Variants in EXOC4 observed in about 807,000 individuals in gnomAD.
EXOC4 encodes SEC8-like 1.
A neutral mutation model predicts 107.2 loss-of-function variants in EXOC4; 71 were observed. The observed-to-expected ratio is 0.66, with a 90% CI of 0.55 to 0.81. EXOC4 has a LOEUF of 0.81. Among genes scored for constraint, EXOC4 ranks in the 30% least tolerant of loss-of-function variants. The probability of loss-of-function intolerance (pLI) is 0.00; values close to 1 mark genes in which losing one functional copy is unlikely to be tolerated. For synonymous variants in EXOC4, 456 were observed against 441.2 expected, an observed-to-expected ratio of 1.03 and a Z score of -0.42; for missense variants, 1,108 against 1,189.6, an observed-to-expected ratio of 0.93 and a Z score of 1.01.
At chr7:133,362,695 A>G (rs1011600409) in intron 6 of EXOC4, among the ~76,000 whole-genome samples, 2 of 152,228 alleles carry the variant, frequency 1.3e-5, no homozygotes, top group African/African-American at 4.8e-5. Context: ...TCAGGCCTCA[A>G]GGATAGTTTT....
chr7:133,907,903 T>C (rs978945148), intron 12 of EXOC4, among the ~76,000 whole-genome samples: 1 of 152,110 alleles, frequency 6.6e-6, no homozygotes, highest in African/African-American at 2.4e-5. Context: ...TCTGAACTCT[T>C]AGCTTCCAGA....
intron 10 of EXOC4, among the ~76,000 whole-genome samples, chr7:133,634,986 G>A (rs575641462): frequency 3.7e-4 from 56 of 151,780 alleles, no homozygotes; most frequent in African/African-American, 1.2e-3. Context: ...CTTTTAAGAC[G>A]AATGAATTCA....
At chr7:133,819,277 C>CTTTTT (rs59308684) in intron 11 of EXOC4, among the ~76,000 whole-genome samples, 1,597 of 142,740 alleles carry the variant, frequency 0.011, 54 homozygotes, top group African/African-American at 0.04. Flanking sequence ...AAATGGAATA[C>CTTTTT]TTTTTTTTTT....
At chr7:133,505,708 C>G (rs1799654062) in intron 9 of EXOC4, among the ~76,000 whole-genome samples, 1 of 152,094 alleles carries the variant, frequency 6.6e-6, no homozygotes, top group East Asian at 1.9e-4. Flanking sequence ...AGATTTTTCT[C>G]TAATTGCTTG....
At chr7:133,528,561 A>G (rs766242177) in intron 9 of EXOC4, among the ~76,000 whole-genome samples, 4 of 152,084 alleles carry the variant, frequency 2.6e-5, no homozygotes, top group Non-Finnish European at 5.9e-5. Context: ...ATTATCTCCT[A>G]TGGCCTTTTA....
chr7:133,346,203 G>C (rs969128402), intron 5 of EXOC4, among the ~76,000 whole-genome samples: 1 of 152,156 alleles, frequency 6.6e-6, no homozygotes, highest in African/African-American at 2.4e-5. Flanking sequence ...TCCAACCTAG[G>C]TAGGCCCTTG....
chr7:133,639,121 T>A (rs1802784714), intron 10 of EXOC4, among the ~76,000 whole-genome samples: 6 of 152,212 alleles, frequency 3.9e-5, no homozygotes, highest in Admixed American at 3.9e-4. Flanking sequence ...AATTTGGTGT[T>A]AAAAATAACA....
At chr7:133,868,198 A>T (rs1307119564) in intron 11 of EXOC4, among the ~76,000 whole-genome samples, 1 of 152,166 alleles carries the variant, frequency 6.6e-6, no homozygotes, top group Non-Finnish European at 1.5e-5. Flanking sequence ...AACCATGAAG[A>T]TTTGGCTGGG....
At chr7:133,973,942 T>C (rs1271741647) in intron 14 of EXOC4, among the ~76,000 whole-genome samples, 10 of 152,142 alleles carry the variant, frequency 6.6e-5, no homozygotes, top group Non-Finnish European at 5.9e-5. Context: ...AGGCAGAAGA[T>C]GAAAAGGCAA....
At chr7:133,280,177 A>G (rs1461476481) in intron 2 of EXOC4, among the ~76,000 whole-genome samples, 1 of 152,228 alleles carries the variant, frequency 6.6e-6, no homozygotes. Context: ...TCATAGGCTC[A>G]GCCTTGATAC....
rs573133150 is a variant in EXOC4, at chr7:134,044,361, A to G, written c.2688-19930A>G. On this transcript the variant is annotated intron_variant, in intron 17 of 17. Transcript: ENST00000253861. Reference sequence around the variant, plus strand: ...TAGGAGACTAATTCTGAAGGTAGCAAGTGTGAGGGAAATGGAACCTCTGCT... The same window carrying G: ...TAGGAGACTAATTCTGAAGGTAGCAGGTGTGAGGGAAATGGAACCTCTGCT... Among the ~76,000 whole-genome samples, 33 of 152,334 alleles carry G rather than the reference A, an allele frequency of 2.2e-4. No homozygotes were observed. In the Middle Eastern group the frequency reaches 0.01, roughly 47 times the overall value.
chr7:134,032,994 A>G (rs537598938), intron 17 of EXOC4, among the ~76,000 whole-genome samples: 1 of 152,366 alleles, frequency 6.6e-6, no homozygotes, highest in Non-Finnish European at 1.5e-5. Context: ...CAGAGAAACA[A>G]AAAGGAATAA....
intron 7 of EXOC4, among the ~76,000 whole-genome samples, chr7:133,434,296 GA>G (rs1171537795): frequency 6.6e-6 from 1 of 151,996 alleles, no homozygotes; most frequent in Non-Finnish European, 1.5e-5. Flanking sequence ...ACATGGGGGG[GA>G]AAAAGAAGGT....
intron 12 of EXOC4, among the ~76,000 whole-genome samples, chr7:133,910,769 A>G (rs915798939): frequency 2.0e-5 from 3 of 152,202 alleles, no homozygotes; most frequent in Non-Finnish European, 2.9e-5. Flanking sequence ...GTCTTGTCCA[A>G]GGTTCATTTG....
At chr7:133,953,555 G>A (rs4731987) in intron 14 of EXOC4, among the ~76,000 whole-genome samples, 33,956 of 152,046 alleles carry the variant, frequency 0.22, 4,982 homozygotes, top group East Asian at 0.44. Context: ...GGAGGCTAAG[G>A]TGGGAGGAAC....
intron 10 of EXOC4, among the ~76,000 whole-genome samples, chr7:133,658,694 G>T (rs1034060947): frequency 6.6e-6 from 1 of 152,146 alleles, no homozygotes; most frequent in African/African-American, 2.4e-5. Flanking sequence ...AGGATGTGTG[G>T]GGTGGATGTG....
In EXOC4 at chr7:133,312,652, G is replaced by A. The variant is rs190825358; in HGVS notation, c.657-4632G>A. On this transcript the variant is annotated intron_variant, in intron 4 of 17. Coordinates refer to ENST00000253861, the MANE Select transcript of EXOC4 (RefSeq NM_021807.4). ...AAAGAATGTTGAAAAAGGAGCATGC[G>A]TGCCATTTTTGTGTTGTGTGACGTG... Among the ~76,000 whole-genome samples the A allele has an allele frequency of 5.9e-5, 9 of 152,090 alleles. No individual in the cohort carries two copies. The East Asian group carries it at 1.2e-3, about 20-fold the overall frequency.
At chr7:133,749,985 T>A (rs917008033) in intron 10 of EXOC4, among the ~76,000 whole-genome samples, 32 of 125,546 alleles carry the variant, frequency 2.5e-4, no homozygotes, top group African/African-American at 3.6e-4. Context: ...TTTTTTTTTT[T>A]AACCAGTGGA....
At chr7:133,696,050 G>A (rs1182959595) in intron 10 of EXOC4, among the ~76,000 whole-genome samples, 2 of 152,172 alleles carry the variant, frequency 1.3e-5, no homozygotes, top group South Asian at 2.1e-4. Flanking sequence ...TGATCAAGGG[G>A]CATTTAAAGC....
Sources: allele counts gnomAD v4.1 joint callset (sites outside exome capture counted in the v4.1 genomes callset), GRCh38; gene constraint gnomAD v4.1.1; transcripts MANE v1.5; gene names NCBI Gene and HGNC (gene_info 2026-07-23, HGNC 2026-07-21).